Variants in ZBTB20 observed in about 807,000 individuals in gnomAD.
ZBTB20 encodes the protein zinc finger and BTB domain containing 20, also known as zinc finger and BTB domain-containing protein 20.
Under a neutral mutation model 56.9 loss-of-function variants are expected in ZBTB20, and 9 were observed. The observed-to-expected ratio is 0.16, with a 90% CI of 0.10 to 0.28. ZBTB20 has a LOEUF of 0.28. Ranked by LOEUF, ZBTB20 falls within the 10% of genes least tolerant of loss-of-function variation. ZBTB20 has a pLI of 1.00. For synonymous variants in ZBTB20, 417 were observed against 420.7 expected, an observed-to-expected ratio of 0.99 and a Z score of 0.11; for missense variants, 655 against 1,003.0, an observed-to-expected ratio of 0.65 and a Z score of 4.69.
intron 5 of ZBTB20, among the ~76,000 whole-genome samples, chr3:114,784,089 C>T (rs1322065231): frequency 6.6e-6 from 1 of 152,184 alleles, no homozygotes; most frequent in Admixed American, 6.5e-5. Flanking sequence ...ATCAAGTACA[C>T]AGTGGGTTTT....
intron 7 of ZBTB20, among the ~76,000 whole-genome samples, chr3:114,389,781 C>T (rs2085620272): frequency 6.8e-6 from 1 of 147,168 alleles, no homozygotes; most frequent in African/African-American, 2.5e-5. Flanking sequence ...CCCAGCTACT[C>T]AGGAGGCTGA....
Position 114,796,560 on chromosome 3 carries a change from TAGG to T in ZBTB20, c.-343+4538_-343+4540del, listed in dbSNP as rs1280313466. 2.0e-5 allele frequency among the ~76,000 whole-genome samples: 3 copies of T among 151,888 alleles called. 1 individual carries two copies. The highest frequency in any genetic ancestry group is 6.3e-3 in the Middle Eastern group (2 of 316). ...ATCTCCCTGCTCCATCTCTTTCAAT[TAGG>T]AGATTTTTGTAAGCAAGAGAAGATA... is the stretch of plus-strand genomic sequence containing the variant. On this transcript the variant is annotated intron_variant, in intron 5 of 11. Coordinates refer to ENST00000675478, the MANE Select transcript of ZBTB20 (RefSeq NM_001348800.3).
intron 4 of ZBTB20, among the ~76,000 whole-genome samples, chr3:114,838,391 G>C (rs2074219442): frequency 6.6e-6 from 1 of 152,152 alleles, no homozygotes; most frequent in South Asian, 2.1e-4. Context: ...AACTCATCAA[G>C]TGTACTGAAA....
chr3:114,996,324 A>G (rs2079024829), intron 2 of ZBTB20, among the ~76,000 whole-genome samples: 1 of 151,858 alleles, frequency 6.6e-6, no homozygotes, highest in Non-Finnish European at 1.5e-5. Context: ...TGTCATCTAC[A>G]TGAGGTATTT....
At chr3:114,700,928 G>T (rs1055506722) in intron 5 of ZBTB20, among the ~76,000 whole-genome samples, 4 of 152,154 alleles carry the variant, frequency 2.6e-5, no homozygotes, top group Non-Finnish European at 5.9e-5. Context: ...ATCTTAGAGT[G>T]GGAGGTGTTT....
intron 1 of ZBTB20, among the ~76,000 whole-genome samples, chr3:115,118,703 A>ATTTTTTTTTTTTTTTTTTT (rs35607205): frequency 2.4e-5 from 2 of 82,210 alleles, no homozygotes; most frequent in Non-Finnish European, 4.4e-5. Context: ...CCTGGTACAA[A>ATTTTTTTTTTTTTTTTTTT]TTTTTTTTTT....
At chr3:114,398,215 T>C (rs2086501322) in intron 7 of ZBTB20, among the ~76,000 whole-genome samples, 1 of 148,290 alleles carries the variant, frequency 6.7e-6, no homozygotes, top group African/African-American at 2.6e-5. Flanking sequence ...CTTCAATAAA[T>C]GGTTATGGTT....
chr3:114,426,088 C>A (rs925606465), intron 7 of ZBTB20, among the ~76,000 whole-genome samples: 9 of 151,986 alleles, frequency 5.9e-5, no homozygotes, highest in African/African-American at 1.9e-4. Context: ...GTAATCCCAG[C>A]ACTTTGGGAG....
chr3:114,882,302 A>G (rs1178770985), intron 4 of ZBTB20, among the ~76,000 whole-genome samples: 1 of 152,062 alleles, frequency 6.6e-6, no homozygotes, highest in Non-Finnish European at 1.5e-5. Context: ...GCTAAAGCCC[A>G]GTACTGATGA....
intron 6 of ZBTB20, among the ~76,000 whole-genome samples, chr3:114,611,442 T>C (rs992310877): frequency 6.6e-6 from 1 of 152,188 alleles, no homozygotes; most frequent in Admixed American, 6.5e-5. Flanking sequence ...GAGTAATTTA[T>C]GTTGTTCAGG....
intron 1 of ZBTB20, among the ~76,000 whole-genome samples, chr3:115,080,349 G>C (rs2082753300): frequency 6.6e-6 from 1 of 152,136 alleles, no homozygotes; most frequent in African/African-American, 2.4e-5. Context: ...GTCTTACAAA[G>C]ATCAAACATT....
chr3:115,140,541 G>A (rs1359989002), intron 1 of ZBTB20, among the ~76,000 whole-genome samples: 3 of 151,986 alleles, frequency 2.0e-5, no homozygotes, highest in Admixed American at 2.0e-4. Context: ...GTGCGAGAGA[G>A]TGTGTATGTG....
chr3:114,536,576 T>C (rs1001269141), intron 6 of ZBTB20, among the ~76,000 whole-genome samples: 2 of 152,132 alleles, frequency 1.3e-5, no homozygotes, highest in Non-Finnish European at 2.9e-5. Context: ...AAGTAATTTA[T>C]AGATTCAATG....
At chr3:114,852,655 TG>T (rs951211354) in intron 4 of ZBTB20, among the ~76,000 whole-genome samples, 1 of 152,186 alleles carries the variant, frequency 6.6e-6, no homozygotes, top group Non-Finnish European at 1.5e-5. Context: ...ATTCTTCTTG[TG>T]GTATATGTTT....
chr3:114,709,276 G>A (rs968520562), intron 5 of ZBTB20, among the ~76,000 whole-genome samples: 2 of 152,060 alleles, frequency 1.3e-5, no homozygotes, highest in Admixed American at 1.3e-4. Context: ...ACAGTTCTTT[G>A]TAAGAGACAC....
intron 6 of ZBTB20, among the ~76,000 whole-genome samples, chr3:114,649,856 G>A (rs2060038780): frequency 6.6e-6 from 1 of 151,818 alleles, no homozygotes; most frequent in Non-Finnish European, 1.5e-5. Flanking sequence ...CCCTTTAAAA[G>A]CAGTCATAAG....
At chr3:114,519,656 T>C (rs1466320476) in intron 6 of ZBTB20, 2 of 152,190 alleles carry the variant, frequency 1.3e-5, no homozygotes, top group African/African-American at 4.8e-5. Context: ...CCATAGAGAC[T>C]GCATACACTA....
chr3:114,686,568 G>T (rs1299376507), intron 6 of ZBTB20, among the ~76,000 whole-genome samples: 35 of 151,792 alleles, frequency 2.3e-4, no homozygotes, highest in Admixed American at 2.3e-3. Context: ...TGAAGCCTTG[G>T]GCACCCATTC....
intron 7 of ZBTB20, among the ~76,000 whole-genome samples, chr3:114,439,436 T>C (rs1440673946): frequency 6.6e-6 from 1 of 152,176 alleles, no homozygotes; most frequent in African/African-American, 2.4e-5. Flanking sequence ...CCCTTTCTTA[T>C]TATGCTAAGT....
Sources: allele counts gnomAD v4.1 joint callset (sites outside exome capture counted in the v4.1 genomes callset), GRCh38; gene constraint gnomAD v4.1.1; transcripts MANE v1.5; gene names NCBI Gene and HGNC (gene_info 2026-07-23, HGNC 2026-07-21).